The following GABRG3 variants were observed in gnomAD, a reference collection of about 807,000 sequenced individuals.
The protein encoded by GABRG3 is gamma-aminobutyric acid type A receptor subunit gamma3.
Under a neutral mutation model 48.8 loss-of-function variants are expected in GABRG3, and 25 were observed. That is an observed-to-expected ratio of 0.51 (90% CI 0.37 to 0.72). The LOEUF (loss-of-function observed/expected upper bound fraction) is 0.72. GABRG3 is among the 30% of genes least tolerant of loss of function. GABRG3 has a pLI of 0.00. For synonymous variants in GABRG3, 227 were observed against 217.6 expected (o/e 1.04, Z -0.38); for missense variants, 394 against 577.9 (o/e 0.68, Z 3.26).
At chr15:27,148,001 TA>T (rs1453403764) in intron 3 of GABRG3, among the ~76,000 whole-genome samples, 1 of 151,244 alleles carries the variant, frequency 6.6e-6, no homozygotes, top group Non-Finnish European at 1.5e-5. Flanking sequence ...TAGAAAGCAA[TA>T]AAAATTTAAC....
chr15:27,068,722 G>T (rs2140731474), intron 3 of GABRG3, among the ~76,000 whole-genome samples: 1 of 152,338 alleles, frequency 6.6e-6, no homozygotes, highest in South Asian at 2.1e-4. Flanking sequence ...TCATGGATAT[G>T]ACAGGGAGTC....
At chr15:27,376,426 T>G (rs573807181) in intron 5 of GABRG3, among the ~76,000 whole-genome samples, 1 of 152,200 alleles carries the variant, frequency 6.6e-6, no homozygotes, top group East Asian at 1.9e-4. Context: ...ACATTTTCCT[T>G]CTGCACTACA....
chr15:27,103,725 A>G (rs1897400153), intron 3 of GABRG3, among the ~76,000 whole-genome samples: 1 of 152,160 alleles, frequency 6.6e-6, no homozygotes, highest in Non-Finnish European at 1.5e-5. Flanking sequence ...TCTCTCAAGG[A>G]ATGACCAATT....
At chr15:27,021,779 G>C (rs1344861950) in intron 2 of GABRG3, among the ~76,000 whole-genome samples, 1 of 152,176 alleles carries the variant, frequency 6.6e-6, no homozygotes, top group African/African-American at 2.4e-5. Context: ...GGAGGTCCAG[G>C]CTGCAGCGAG....
At position 27,139,991 on chromosome 15, in the gene GABRG3, T is replaced by A. The variant is rs534828765; in HGVS notation, c.270+113170T>A. 6.6e-5 allele frequency among the ~76,000 whole-genome samples: 10 copies of A among 152,246 alleles called. No homozygotes were observed. The South Asian group carries it at 1.9e-3, about 28-fold the overall frequency. ...TGGGTTCAGAGAGCTTCCGGACAGG[T>A]GAGGATGAGCAGGGCCCCGGAGGCA... On this transcript the variant is annotated intron_variant, in intron 3 of 9. Coordinates refer to ENST00000615808, the MANE Select transcript of GABRG3 (RefSeq NM_033223.5).
chr15:27,487,656 A>G (rs1185575265), intron 6 of GABRG3, among the ~76,000 whole-genome samples: 5 of 152,232 alleles, frequency 3.3e-5, no homozygotes, highest in Admixed American at 6.5e-5. Context: ...ATCCCCTGGC[A>G]TGGATGATAT....
intron 8 of GABRG3, 117 bp from the exon 9 acceptor site, chr15:27,527,816 G>A (rs1360314865): frequency 1.6e-5 from 16 of 986,366 alleles, no homozygotes; most frequent in Non-Finnish European, 2.5e-5. Context: ...CATCTCTGGT[G>A]TCACCTACCG....
intron 5 of GABRG3, among the ~76,000 whole-genome samples, chr15:27,384,462 A>G (rs1895864574): frequency 6.6e-6 from 1 of 152,200 alleles, no homozygotes; most frequent in South Asian, 2.1e-4. Flanking sequence ...AAAACTACTA[A>G]GAACAAATGC....
chr15:27,490,468 A>G (rs1429333148), intron 6 of GABRG3, among the ~76,000 whole-genome samples: 2 of 152,182 alleles, frequency 1.3e-5, no homozygotes, highest in Non-Finnish European at 2.9e-5. Context: ...CCAGACGTCC[A>G]TTTTCCATCT....
chr15:27,370,326 A>G (rs928097453), intron 5 of GABRG3, among the ~76,000 whole-genome samples: 10 of 152,240 alleles, frequency 6.6e-5, no homozygotes, highest in Non-Finnish European at 1.3e-4. Context: ...CCAGGAAAGA[A>G]TCACATGCCA....
chr15:27,041,517 T>G (rs1200944876), intron 3 of GABRG3, among the ~76,000 whole-genome samples: 1 of 152,172 alleles, frequency 6.6e-6, no homozygotes, highest in Non-Finnish European at 1.5e-5. Context: ...GCAGACATAA[T>G]TTCTACCATC....
At chr15:27,064,623 G>A (rs1316038738) in intron 3 of GABRG3, among the ~76,000 whole-genome samples, 1 of 152,108 alleles carries the variant, frequency 6.6e-6, no homozygotes, top group Non-Finnish European at 1.5e-5. Context: ...TTGCCTTACT[G>A]CTTCCATCAT....
intron 3 of GABRG3, among the ~76,000 whole-genome samples, chr15:27,252,491 G>A (rs17648778): frequency 0.012 from 1,858 of 152,308 alleles, 32 homozygotes; most frequent in Admixed American, 0.043. Flanking sequence ...TGTCCAGGTC[G>A]GTCAGAACAT....
intron 3 of GABRG3, among the ~76,000 whole-genome samples, chr15:27,102,781 A>G (rs1439575777): frequency 1.3e-5 from 2 of 152,192 alleles, no homozygotes; most frequent in Non-Finnish European, 2.9e-5. Flanking sequence ...ACTAAATGTC[A>G]TGTGTGGTTG....
In GABRG3 at chr15:26,976,249, C is replaced by T. The variant is rs76135774; in HGVS notation, c.54-753C>T. Reference sequence around the variant, plus strand: ...CCTGCACAAAACAAGCTCAGAGATGCCCAGGCATTCACTGAGACTCATTTA... The same window carrying T: ...CCTGCACAAAACAAGCTCAGAGATGTCCAGGCATTCACTGAGACTCATTTA... On this transcript the variant is annotated intron_variant, in intron 1 of 9. Transcript: ENST00000615808. This position sits in a 1 kb window ranked among gnomAD's most constrained non-coding sequence, Gnocchi z 7.8. 7.4e-3 allele frequency among the ~76,000 whole-genome samples: 1,123 copies of T among 152,274 alleles called. 15 individuals carry two copies. The highest frequency in any genetic ancestry group is 0.025 in the African/African-American group (1,023 of 41,548).
chr15:27,095,541 G>A (rs542465583), intron 3 of GABRG3, among the ~76,000 whole-genome samples: 5 of 152,196 alleles, frequency 3.3e-5, no homozygotes, highest in African/African-American at 9.6e-5. Context: ...GGCGTTACAC[G>A]TGGTTGTCCC....
At chr15:27,379,189 A>AT (rs1463851077) in intron 5 of GABRG3, among the ~76,000 whole-genome samples, 2 of 152,158 alleles carry the variant, frequency 1.3e-5, no homozygotes, top group Non-Finnish European at 2.9e-5. Context: ...ATAAGATTCC[A>AT]TTTTTTAATT....
At chr15:27,366,846 C>G (rs1895220012) in intron 5 of GABRG3, among the ~76,000 whole-genome samples, 1 of 152,160 alleles carries the variant, frequency 6.6e-6, no homozygotes, top group African/African-American at 2.4e-5. Context: ...CCACCTTGAC[C>G]CTGACCTGGC....
intron 5 of GABRG3, among the ~76,000 whole-genome samples, chr15:27,376,672 G>A (rs1895606907): frequency 1.3e-5 from 2 of 152,128 alleles, no homozygotes; most frequent in South Asian, 4.1e-4. Context: ...GGAGCAGCTG[G>A]GATGCAGGGC....
Sources: gnomAD v4.1 joint callset for allele counts (sites outside exome capture counted in the v4.1 genomes callset) on GRCh38, gnomAD v4.1.1 for gene constraint, Gnocchi (gnomAD v3.1) non-coding constraint, MANE v1.5 for transcripts, NCBI Gene and HGNC (gene_info 2026-07-23, HGNC 2026-07-21) for gene names.